The following CTSO variants were observed in gnomAD, a reference collection of about 807,000 sequenced individuals.
CTSO encodes the protein cathepsin O.
In CTSO, 40 loss-of-function variants were observed where a neutral mutation model predicts 42.4. The observed-to-expected ratio is 0.94, with a 90% CI of 0.73 to 1.23. The LOEUF is 1.23. Ranked by LOEUF, CTSO falls within the 50% of genes most tolerant of loss-of-function variation. The pLI is 0.00. For missense variants in CTSO, 441 were observed against 396.0 expected, an observed-to-expected ratio of 1.11 and a Z score of -0.96; for synonymous variants, 156 against 146.2, an observed-to-expected ratio of 1.07 and a Z score of -0.48.
rs1035557045 is a variant in CTSO at position 155,936,056 on chromosome 4, C to T, written c.674+1306G>A. 4.6e-5 allele frequency among the ~76,000 whole-genome samples: 7 copies of T among 151,946 alleles called. No individual in the cohort carries two copies. The East Asian group carries it at 1.4e-3, about 29-fold the overall frequency. On this transcript the variant is annotated intron_variant, in intron 5 of 7. Transcript: ENST00000433477. ...TCCCTTTTAATGATATTTTGTAAAT[C>T]TAGTTTTTTCTTGTACACATCCTTC...
intron 3 of CTSO, among the ~76,000 whole-genome samples, chr4:155,940,862 G>C (rs1020156508): frequency 6.7e-6 from 1 of 149,192 alleles, no homozygotes; most frequent in African/African-American, 2.5e-5. Flanking sequence ...AAAGAGAAAA[G>C]GTAACAGGCT....
intron 1 of CTSO, among the ~76,000 whole-genome samples, chr4:155,944,974 A>AT (rs1553960308): frequency 6.8e-6 from 1 of 147,230 alleles, no homozygotes; most frequent in Admixed American, 6.8e-5. Flanking sequence ...AAAAAAAAAA[A>AT]GCCTGGGAGC....
At chr4:155,953,190 G>A (rs923926462) in intron 1 of CTSO, among the ~76,000 whole-genome samples, 2 of 151,990 alleles carry the variant, frequency 1.3e-5, no homozygotes, top group Non-Finnish European at 2.9e-5. Context: ...TTAGTTTAAG[G>A]AGAATCATAA....
At chr4:155,934,316 T>C (rs1195912566) in intron 5 of CTSO, among the ~76,000 whole-genome samples, 1 of 152,226 alleles carries the variant, frequency 6.6e-6, no homozygotes, top group Non-Finnish European at 1.5e-5. Flanking sequence ...TGTATGGAGA[T>C]GCCTGGATGC....
At chr4:155,936,104 G>A (rs1743325466) in intron 5 of CTSO, among the ~76,000 whole-genome samples, 1 of 152,050 alleles carries the variant, frequency 6.6e-6, no homozygotes. Context: ...AAGGAAGTCA[G>A]AGTTTATAGG....
intron 3 of CTSO, among the ~76,000 whole-genome samples, chr4:155,940,524 T>G (rs1743410731): frequency 1.3e-5 from 2 of 152,132 alleles, no homozygotes; most frequent in African/African-American, 2.4e-5. Context: ...AAACACTCAC[T>G]AAGTGACCAT....
At chr4:155,927,603 A>T (rs549578875) in intron 7 of CTSO, among the ~76,000 whole-genome samples, 5 of 152,186 alleles carry the variant, frequency 3.3e-5, no homozygotes, top group African/African-American at 4.8e-5. Flanking sequence ...CCTCGTCTCT[A>T]CTAAAAATAC....
chr4:155,928,256 G>A, intron 7 of CTSO, 80 bp downstream of exon 7: 1 of 991,936 alleles, frequency 1.0e-6, no homozygotes, highest in Non-Finnish European at 1.5e-6. Flanking sequence ...AAAGTGGTTT[G>A]AGTAGATTGT....
At chr4:155,929,290 C>A (rs1001428157) in intron 6 of CTSO, among the ~76,000 whole-genome samples, 1 of 152,146 alleles carries the variant, frequency 6.6e-6, no homozygotes, top group Non-Finnish European at 1.5e-5. Flanking sequence ...GGCTGTGAGA[C>A]CCCTGATTTC....
chr4:155,941,022 T>A (rs1315013771), intron 3 of CTSO, among the ~76,000 whole-genome samples: 1 of 152,228 alleles, frequency 6.6e-6, no homozygotes, highest in Non-Finnish European at 1.5e-5. Flanking sequence ...TTTGAAAGGA[T>A]TAGATTTATG....
chr4:155,938,466 A>G (rs147267351), intron 4 of CTSO, among the ~76,000 whole-genome samples: 2 of 152,304 alleles, frequency 1.3e-5, no homozygotes, highest in African/African-American at 4.8e-5. Flanking sequence ...TGCAGTTGAT[A>G]TCGGATCTGG....
chr4:155,951,112 TTATAA>T (rs1201208521), intron 1 of CTSO, among the ~76,000 whole-genome samples: 2 of 152,222 alleles, frequency 1.3e-5, no homozygotes, highest in Admixed American at 6.5e-5. Context: ...ATAAATAATC[TTATAA>T]TAATATAACC....
chr4:155,937,974 T>C (rs1743361645), intron 4 of CTSO, among the ~76,000 whole-genome samples: 1 of 152,208 alleles, frequency 6.6e-6, no homozygotes, highest in South Asian at 2.1e-4. Context: ...CTGGATAGTC[T>C]AGACATTTGG....
In CTSO at chr4:155,924,432, G is replaced by A. The variant is rs1743095060; in HGVS notation, c.*1604C>T. ...ATTGGTTCTGACTGGCGTAAGAAGA[G>A]AAATACAGCATTTTGTTTTTTATTT... On this transcript the variant is annotated 3_prime_UTR_variant, in exon 8 of 8. Coordinates refer to ENST00000433477, the MANE Select transcript of CTSO (RefSeq NM_001334.3). The A allele has an allele frequency of 6.6e-6, 1 of 152,124 alleles. No homozygotes were observed. The highest frequency in any genetic ancestry group is 1.5e-5 in the Non-Finnish European group (1 of 68,018). 9.4% of individuals were successfully genotyped at this position (152,124 alleles called of 1,614,324 possible).
At chr4:155,939,669 T>C in intron 3 of CTSO, 131 bp from the exon 4 acceptor site, 1 of 684,520 alleles carries the variant, frequency 1.5e-6, no homozygotes, top group Non-Finnish European at 2.3e-6. Context: ...AATACGCCTA[T>C]CCTCTAGATT....
In CTSO at chr4:155,945,637, C is replaced by T. The variant is rs147632787; in HGVS notation, c.136-2373G>A. Among the ~76,000 whole-genome samples, 14 of 152,244 alleles carry T rather than the reference C, an allele frequency of 9.2e-5. No homozygotes were observed. In the East Asian group the frequency reaches 1.7e-3, roughly 19 times the overall value. ...TGAGAAAATCAAGAAGAAGGGAATA[C>T]GCTGCAACTTAAATAAGACCAGTGT... On this transcript the variant is annotated intron_variant, in intron 1 of 7. Coordinates refer to ENST00000433477, the MANE Select transcript of CTSO (RefSeq NM_001334.3).
intron 5 of CTSO, 66 bp downstream of exon 5, chr4:155,937,296 T>C: frequency 7.4e-7 from 1 of 1,346,150 alleles, no homozygotes; most frequent in Non-Finnish European, 1.0e-6. Context: ...AAACAAATTA[T>C]TAACCAGTCA....
intron 6 of CTSO, 24 bp from the exon 7 acceptor site, chr4:155,928,452 C>G (rs375241303): frequency 2.0e-6 from 3 of 1,527,814 alleles, no homozygotes; most frequent in African/African-American, 2.8e-5. Flanking sequence ...TAAATAGTAA[C>G]AAATCCTGAA....
chr4:155,946,118 C>A (rs1274587032), intron 1 of CTSO, among the ~76,000 whole-genome samples: 1 of 152,124 alleles, frequency 6.6e-6, no homozygotes, highest in Non-Finnish European at 1.5e-5. Context: ...AGTAGTTGAG[C>A]CACATACTCT....
Sources: gnomAD v4.1 joint callset for allele counts (sites outside exome capture counted in the v4.1 genomes callset) on GRCh38, gnomAD v4.1.1 for gene constraint, MANE v1.5 for transcripts, NCBI Gene and HGNC (gene_info 2026-07-23, HGNC 2026-07-21) for gene names.